The following LDLRAP1 variants were observed in gnomAD, a reference collection of about 807,000 sequenced individuals.
The protein encoded by LDLRAP1 is low density lipoprotein receptor adapter protein 1.
A neutral mutation model predicts 37.8 loss-of-function variants in LDLRAP1; 30 were observed. The observed-to-expected ratio is 0.79, with a 90% CI of 0.59 to 1.08. LDLRAP1 has a LOEUF of 1.08. Ranked by LOEUF, LDLRAP1 falls within the 50% of genes least tolerant of loss-of-function variation. The pLI is 0.00. For synonymous variants in LDLRAP1, 156 were observed against 169.8 expected (o/e 0.92, Z 0.63); for missense variants, 375 against 401.6 (o/e 0.93, Z 0.57).
chr1:25,579,463 A>T, the LDLRAP1 span, among the ~76,000 whole-genome samples: 1 of 152,244 alleles, frequency 6.6e-6, no homozygotes, highest in Non-Finnish European at 1.5e-5. Flanking sequence ...TGCCGCTGTC[A>T]CGTGGTGATG....
At chr1:25,560,248 A>G (rs1454644859) in intron 4 of LDLRAP1, among the ~76,000 whole-genome samples, 1 of 152,080 alleles carries the variant, frequency 6.6e-6, no homozygotes, top group Non-Finnish European at 1.5e-5. Flanking sequence ...TTGAATCGGG[A>G]TGTTGACAAA....
At chr1:25,578,880 T>G in the LDLRAP1 span, among the ~76,000 whole-genome samples, 4 of 152,206 alleles carry the variant, frequency 2.6e-5, no homozygotes, top group Non-Finnish European at 4.4e-5. Context: ...GTTTTGTCTT[T>G]AAAGCATCTT....
chr1:25,572,260 T>C (rs993860081), downstream of LDLRAP1, among the ~76,000 whole-genome samples: 42 of 152,248 alleles, frequency 2.8e-4, no homozygotes, highest in Admixed American at 2.2e-3. Flanking sequence ...CTGGCTCCCA[T>C]GAGAGCTGTG....
At chr1:25,552,977 G>T (rs1273704128) in intron 1 of LDLRAP1, among the ~76,000 whole-genome samples, 1 of 152,198 alleles carries the variant, frequency 6.6e-6, no homozygotes, top group East Asian at 1.9e-4. Context: ...ACCATCCAGG[G>T]GGTGGGAAGC....
In LDLRAP1 at chr1:25,554,019, G is replaced by A. The variant is rs372215069; in HGVS notation, c.186G>A (p.Lys62=). 2.5e-6 allele frequency: 4 copies of A among 1,614,008 alleles called. No individual in the cohort carries two copies. Among genetic ancestry groups the A allele is most frequent in the Non-Finnish European group, 3.4e-6 (4 of 1,180,042 alleles). Reference sequence around the variant, plus strand: ...GCATGACGCTAGTGGAGCAGCCCAAGGGTGAGGAGCTGTCGGCCGCCGCCA... The same window carrying A: ...GCATGACGCTAGTGGAGCAGCCCAAAGGTGAGGAGCTGTCGGCCGCCGCCA... The part of the protein sequence containing the change: ...YLGMTLVEQP[K]GEELSAAAIK... Residue 62 remains lysine, a synonymous_variant, in exon 2 of 9, where the codon AAG becomes AAA. Transcript: ENST00000374338. This position sits in a 1 kb window ranked among gnomAD's most constrained non-coding sequence, Gnocchi z 5.4.
rs781754140 is a variant in LDLRAP1, at chr1:25,557,218, A to G, written c.410A>G (p.His137Arg). Residue 137 changes from histidine (H) to arginine (R), a missense_variant, in exon 4 of 9, where the codon CAC becomes CGC. Physicochemically the swap from His to Arg is conservative, Grantham distance 29. Coordinates refer to ENST00000374338, the MANE Select transcript of LDLRAP1 (RefSeq NM_015627.3). Reference protein sequence around the residue: ...KVFAYIAQSQHNQSLECHAFL... With the variant: ...KVFAYIAQSQRNQSLECHAFL... ...TTTGCATACATCGCCCAGAGCCAGC[A>G]CAACCAGAGCCTCGAGTGCCACGCC... 6.2e-7 allele frequency: 1 copy of G among 1,614,154 alleles called. No homozygotes were observed. The highest frequency in any genetic ancestry group is 8.5e-7 in the Non-Finnish European group (1 of 1,180,018).
intron 7 of LDLRAP1, 170 bp downstream of exon 7, chr1:25,563,961 T>A (rs1479967821): frequency 1.7e-5 from 14 of 808,714 alleles, no homozygotes; most frequent in Non-Finnish European, 2.2e-5. Context: ...AATGTCCCTT[T>A]TGAACCTGAG....
Position 25,554,210 on chromosome 1 carries a change from C to G in LDLRAP1, c.231+146C>G, listed in dbSNP as rs893214294. ...ATTCTCCTTCCATCCAGCTTTTGGG[C>G]CTTGGCAGAGGGGAACCATTGGACT... On this transcript the variant is annotated intron_variant, in intron 2 of 8. Coordinates refer to ENST00000374338, the MANE Select transcript of LDLRAP1 (RefSeq NM_015627.3). This position sits in a 1 kb window ranked among gnomAD's most constrained non-coding sequence, Gnocchi z 5.4. 49 of 1,067,602 alleles carry G rather than the reference C, an allele frequency of 4.6e-5. 1 individual carries two copies. In the African/African-American group the frequency reaches 7.5e-4, roughly 16 times the overall value. The allele number at this position is 1,067,602 out of a possible 1,614,324, so 66.1% of individuals were successfully genotyped here.
At chr1:25,550,655 TGAG>T (rs2124652307) in intron 1 of LDLRAP1, among the ~76,000 whole-genome samples, 1 of 151,782 alleles carries the variant, frequency 6.6e-6, no homozygotes, top group East Asian at 1.9e-4. Context: ...CTGGGTGGGG[TGAG>T]GAGAGTCCCT....
the LDLRAP1 span, among the ~76,000 whole-genome samples, chr1:25,588,451 C>CG: frequency 3.3e-5 from 5 of 152,176 alleles, no homozygotes; most frequent in Non-Finnish European, 5.9e-5. Context: ...TTGGGACATG[C>CG]GGGCGGCAAT....
At chr1:25,585,096 A>G in the LDLRAP1 span, among the ~76,000 whole-genome samples, 5 of 152,118 alleles carry the variant, frequency 3.3e-5, no homozygotes, top group African/African-American at 1.2e-4. Context: ...GGGTGTTGAG[A>G]CTGAGGGCAG....
intron 5 of LDLRAP1, 68 bp downstream of exon 5, chr1:25,562,784 G>A: frequency 7.3e-7 from 1 of 1,363,492 alleles, no homozygotes; most frequent in Non-Finnish European, 1.0e-6. Context: ...CCTGGGGTCA[G>A]ACCTGGACCG....
downstream of LDLRAP1, among the ~76,000 whole-genome samples, chr1:25,572,346 C>T (rs2044615803): frequency 6.6e-6 from 1 of 152,184 alleles, no homozygotes. Context: ...GGCTGTCAGA[C>T]CCTTCCTGTG....
In LDLRAP1 at chr1:25,566,947, G is replaced by A. The variant is rs754740752; in HGVS notation, c.882G>A (p.Lys294=). The change falls in exon 9 of 9, where the codon AAG becomes AAA. Residue 294 remains lysine (K), a synonymous_variant. Transcript: ENST00000374338. ...AQCLSPVDWD[K]PDSSGTEQDD... is the part of the protein sequence containing the mutation. The stretch of plus-strand genomic sequence containing the variant: ...GCCTCTCGCCTGTCGACTGGGACAA[G>A]CCTGACAGCAGCGGCACAGAGCAGG... The A allele has an allele frequency of 2.5e-6, 4 of 1,613,606 alleles. No individual in the cohort carries two copies. Among genetic ancestry groups the A allele is most frequent in the South Asian group, 2.2e-5 (2 of 91,086 alleles).
chr1:25,574,361 C>A, the LDLRAP1 span, among the ~76,000 whole-genome samples: 1 of 152,308 alleles, frequency 6.6e-6, no homozygotes, highest in East Asian at 1.9e-4. Flanking sequence ...GAGACTGAGG[C>A]TCTAGGATAC....
rs929775060 is a variant in LDLRAP1, at chr1:25,567,245, G to C, written c.*253G>C. The C allele has an allele frequency of 1.8e-5, 10 of 552,036 alleles. No individual in the cohort carries two copies. Among genetic ancestry groups the C allele is most frequent in the Non-Finnish European group, 3.0e-5 (9 of 304,462 alleles). The allele number at this position is 552,036 out of a possible 1,614,324, so 34.2% of individuals were successfully genotyped here. On this transcript the variant is annotated 3_prime_UTR_variant, in exon 9 of 9. Coordinates refer to ENST00000374338, the MANE Select transcript of LDLRAP1 (RefSeq NM_015627.3). ...GGCTTATGCTCAGAAGCCAGTCTGC[G>C]TCAGGCACGTCTCCTGCTGCGTGAC... is the stretch of plus-strand genomic sequence containing the variant.
chr1:25,559,274 T>G (rs1360751606), intron 4 of LDLRAP1, among the ~76,000 whole-genome samples: 1 of 152,124 alleles, frequency 6.6e-6, no homozygotes, highest in Non-Finnish European at 1.5e-5. Context: ...CAGCTGGCCC[T>G]GGGTGGGAGG....
At chr1:25,586,782 G>A in the LDLRAP1 span, among the ~76,000 whole-genome samples, 1 of 152,150 alleles carries the variant, frequency 6.6e-6, no homozygotes, top group South Asian at 2.1e-4. This position sits in a 1 kb window ranked among gnomAD's most constrained non-coding sequence, Gnocchi z 4.3. Context: ...GGATGCCTGA[G>A]CCCTGATGGT....
intron 4 of LDLRAP1, 29 bp downstream of exon 4, chr1:25,557,296 G>T: frequency 6.4e-7 from 1 of 1,564,316 alleles, no homozygotes; most frequent in South Asian, 1.1e-5. Context: ...GGCGGGGACA[G>T]GGTCCAGTGG....
Sources: gnomAD v4.1 joint callset for allele counts (sites outside exome capture counted in the v4.1 genomes callset) on GRCh38, gnomAD v4.1.1 for gene constraint, Gnocchi (gnomAD v3.1) non-coding constraint, MANE v1.5 for transcripts, NCBI Gene and HGNC (gene_info 2026-07-23, HGNC 2026-07-21) for gene names.